PARD3: variants seen among roughly 807,000 people sequenced by gnomAD.
PARD3 encodes the protein par-3 family cell polarity regulator.
In PARD3, 75 loss-of-function variants were observed where a neutral mutation model predicts 155.4. That is an observed-to-expected ratio of 0.48 (90% CI 0.40 to 0.58). The LOEUF is 0.58. Among genes scored for constraint, PARD3 ranks in the 20% least tolerant of loss-of-function variants. PARD3 has a pLI of 0.00. For missense variants in PARD3, 1,642 were observed against 1,721.7 expected (o/e 0.95, Z 0.82); for synonymous variants, 576 against 610.5 (o/e 0.94, Z 0.83).
chr10:34,663,837 T>C (rs2093385365), intron 2 of PARD3: 1 of 152,054 alleles, frequency 6.6e-6, no homozygotes, highest in Non-Finnish European at 1.5e-5. Flanking sequence ...ATGTATTCCA[T>C]GACCAATCAC....
intron 23 of PARD3, among the ~76,000 whole-genome samples, chr10:34,124,275 T>C (rs1947160011): frequency 1.3e-5 from 2 of 152,196 alleles, no homozygotes; most frequent in Admixed American, 1.3e-4. Context: ...AGAATGATGC[T>C]GATGACAAAA....
At position 34,353,977 on chromosome 10, in the gene PARD3, G is replaced by C. The variant is rs186100104; in HGVS notation, c.2067+5170C>G. ...AACAAACAATGATGGTTTATACAAT[G>C]TTTTTAAGTGTAGTTAGATAAAACC... On this transcript the variant is annotated intron_variant, in intron 14 of 24. Transcript: ENST00000374788. Among the ~76,000 whole-genome samples, 81 of 151,742 alleles carry C rather than the reference G, an allele frequency of 5.3e-4. No homozygotes were observed. In the East Asian group the frequency reaches 0.012, roughly 22 times the overall value.
chr10:34,263,553 G>T (rs1955136280), intron 22 of PARD3, among the ~76,000 whole-genome samples: 1 of 152,194 alleles, frequency 6.6e-6, no homozygotes, highest in African/African-American at 2.4e-5. Context: ...TAGCTACTCA[G>T]GAAGCTGATG....
chr10:34,344,497 G>C (rs1038773773), intron 15 of PARD3: 5 of 712,994 alleles, frequency 7.0e-6, no homozygotes, highest in South Asian at 1.3e-4. Flanking sequence ...GGCCAGGCTG[G>C]TCTTAAACTC....
At chr10:34,231,158 CA>C (rs1952906115) in intron 22 of PARD3, among the ~76,000 whole-genome samples, 1 of 139,534 alleles carries the variant, frequency 7.2e-6, no homozygotes, top group South Asian at 2.4e-4. Flanking sequence ...ACATGTTCAA[CA>C]AAATTTATTA....
At chr10:34,377,696 G>A (rs1162452448) in intron 10 of PARD3, among the ~76,000 whole-genome samples, 1 of 152,092 alleles carries the variant, frequency 6.6e-6, no homozygotes, top group Admixed American at 6.6e-5. Flanking sequence ...ACACTGGGAG[G>A]CAAGAGGATC....
In PARD3 at chr10:34,305,081, T is replaced by C. The variant is rs186297947; in HGVS notation, c.3065+12026A>G. On this transcript the variant is annotated intron_variant, in intron 20 of 24. Coordinates refer to ENST00000374788, the MANE Select transcript of PARD3 (RefSeq NM_001184785.2). ...ATTTCAAAGTATCTGTTCCTTTGTA[T>C]GAGCAGAGACTGTAAAGTTCTTCAT... Among the ~76,000 whole-genome samples, 871 of 152,342 alleles carry C rather than the reference T, an allele frequency of 5.7e-3. 10 individuals are homozygous for C. Among genetic ancestry groups the C allele is most frequent in the African/African-American group, 0.02 (841 of 41,570 alleles).
At chr10:34,763,420 A>C (rs1359164594) in intron 1 of PARD3, among the ~76,000 whole-genome samples, 1 of 152,228 alleles carries the variant, frequency 6.6e-6, no homozygotes, top group African/African-American at 2.4e-5. Flanking sequence ...ACCCACCTGC[A>C]TCAGCTTGCC....
chr10:34,336,297 A>T, intron 17 of PARD3, 54 bp from the exon 18 acceptor site: 1 of 1,330,154 alleles, frequency 7.5e-7, no homozygotes, highest in South Asian at 1.2e-5. Context: ...ATAGCCCACC[A>T]TGCTTCCACC....
intron 21 of PARD3, among the ~76,000 whole-genome samples, chr10:34,280,687 G>A (rs1396643907): frequency 1.3e-5 from 2 of 152,228 alleles, no homozygotes; most frequent in East Asian, 1.9e-4. Context: ...GCTGAACACC[G>A]CTGAACCAGG....
chr10:34,301,568 C>T (rs1422948933), intron 20 of PARD3, among the ~76,000 whole-genome samples: 1 of 152,110 alleles, frequency 6.6e-6, no homozygotes, highest in Non-Finnish European at 1.5e-5. Context: ...CATCTGTTCA[C>T]TCACACTGCC....
At chr10:34,760,341 G>A (rs1837295377) in intron 1 of PARD3, among the ~76,000 whole-genome samples, 1 of 151,894 alleles carries the variant, frequency 6.6e-6, no homozygotes, top group African/African-American at 2.4e-5. Flanking sequence ...TACTTTTTTT[G>A]TTTGTTTTGA....
chr10:34,778,783 CA>C (rs983724543), intron 1 of PARD3, among the ~76,000 whole-genome samples: 1 of 151,028 alleles, frequency 6.6e-6, no homozygotes, highest in South Asian at 2.1e-4. Flanking sequence ...AAGAGCTTGC[CA>C]AAAAAAAGAG....
chr10:34,516,706 A>G (rs1425933857), intron 3 of PARD3, among the ~76,000 whole-genome samples: 3 of 152,238 alleles, frequency 2.0e-5, no homozygotes, highest in Non-Finnish European at 2.9e-5. Context: ...AACATATGGA[A>G]AGGAAAATCC....
chr10:34,441,123 A>C (rs2132657040), intron 5 of PARD3, among the ~76,000 whole-genome samples: 1 of 152,288 alleles, frequency 6.6e-6, no homozygotes, highest in South Asian at 2.1e-4. Flanking sequence ...TTAGAAATAC[A>C]CCAGGGATGA....
rs1422192785 is a variant in PARD3 at position 34,660,471 on chromosome 10, CA to C, written c.222+35846del. On this transcript the variant is annotated intron_variant, in intron 2 of 24. Coordinates refer to ENST00000374788, the MANE Select transcript of PARD3 (RefSeq NM_001184785.2). ...AGGGGTATTTTCAAAGGAGCTTACA[CA>C]GATGTATGTCACTGTGCACGGGGCT... is the stretch of plus-strand genomic sequence containing the variant. 2.6e-5 allele frequency among the ~76,000 whole-genome samples: 4 copies of C among 152,166 alleles called. No homozygotes were observed. The East Asian group carries it at 5.8e-4, about 22-fold the overall frequency.
rs150028398 is a variant in PARD3, at chr10:34,787,767, C to T, written c.120+27109G>A. 2.6e-3 allele frequency among the ~76,000 whole-genome samples: 389 copies of T among 150,822 alleles called. 8 individuals are homozygous for T. Among genetic ancestry groups the T allele is most frequent in the Admixed American group, 0.024 (365 of 15,128 alleles). Reference sequence around the variant, plus strand: ...CCAAGGCACACAGCAAATGGGCAACCAACATCCTTTTTTTTTTTTTTTTAC... The same window carrying T: ...CCAAGGCACACAGCAAATGGGCAACTAACATCCTTTTTTTTTTTTTTTTAC... On this transcript the variant is annotated intron_variant, in intron 1 of 24. Coordinates refer to ENST00000374788, the MANE Select transcript of PARD3 (RefSeq NM_001184785.2).
chr10:34,383,000 C>T, intron 8 of PARD3, 78 bp from the exon 9 acceptor site: 1 of 1,449,870 alleles, frequency 6.9e-7, no homozygotes, highest in Non-Finnish European at 9.5e-7. Context: ...ATTAAGTTTA[C>T]TAATTAAGCA....
chr10:34,811,202 C>T (rs1292397058), intron 1 of PARD3, among the ~76,000 whole-genome samples: 1 of 152,168 alleles, frequency 6.6e-6, no homozygotes, highest in Admixed American at 6.5e-5. Context: ...CTACTTGTTA[C>T]CCTGACTCTT....
Sources: gnomAD v4.1 joint callset for allele counts (sites outside exome capture counted in the v4.1 genomes callset) on GRCh38, gnomAD v4.1.1 for gene constraint, MANE v1.5 for transcripts, NCBI Gene and HGNC (gene_info 2026-07-23, HGNC 2026-07-21) for gene names.